PRIM2: variants seen among roughly 807,000 people sequenced by gnomAD.
PRIM2 encodes DNA primase subunit 2, also known as DNA primase large subunit.
In PRIM2, 39 loss-of-function variants were observed where a neutral mutation model predicts 67.3. The ratio of observed to expected loss-of-function variants is 0.58; its 90% CI spans 0.45 to 0.76. The LOEUF is 0.76. PRIM2 is among the 30% of genes least tolerant of loss of function. The pLI is 0.00. For missense variants in PRIM2, 398 were observed against 598.7 expected (o/e 0.66, Z 3.50); for synonymous variants, 143 against 198.7 (o/e 0.72, Z 2.36).
chr6:57,305,889 C>T, the PRIM2 span, among the ~76,000 whole-genome samples: 3 of 152,134 alleles, frequency 2.0e-5, no homozygotes, highest in African/African-American at 7.2e-5. Flanking sequence ...ATAACTAGTA[C>T]TGTAATAAAA....
At chr6:57,237,193 G>T in the PRIM2 span, among the ~76,000 whole-genome samples, 13,113 of 149,312 alleles carry the variant, frequency 0.088, 802 homozygotes, top group Non-Finnish European at 0.13. Context: ...TCATGTGTCT[G>T]TTGGCTGCAT....
chr6:57,275,807 C>T, the PRIM2 span, among the ~76,000 whole-genome samples: 2 of 152,150 alleles, frequency 1.3e-5, no homozygotes, highest in Admixed American at 1.3e-4. Flanking sequence ...TGGACTTTCT[C>T]CCAGTGGGCC....
At chr6:57,624,224 T>G (rs1264424710) in intron 12 of PRIM2, among the ~76,000 whole-genome samples, 1 of 152,198 alleles carries the variant, frequency 6.6e-6, no homozygotes, top group Non-Finnish European at 1.5e-5. Flanking sequence ...TGTCTTCTTG[T>G]TTGTCCTCCC....
At chr6:57,404,497 C>T (rs1304009230) in intron 7 of PRIM2, among the ~76,000 whole-genome samples, 1 of 142,972 alleles carries the variant, frequency 7.0e-6, no homozygotes, top group Admixed American at 7.0e-5. Flanking sequence ...CTTGGGGTTG[C>T]ACCTCAGTGT....
At chr6:57,474,267 C>G (rs1186311618) in intron 7 of PRIM2, among the ~76,000 whole-genome samples, 7 of 120,728 alleles carry the variant, frequency 5.8e-5, no homozygotes, top group South Asian at 2.9e-4. Flanking sequence ...CTCCGCCTCC[C>G]GGGGTTCATG....
chr6:57,239,079 C>T, the PRIM2 span, among the ~76,000 whole-genome samples: 48 of 152,152 alleles, frequency 3.2e-4, no homozygotes, highest in African/African-American at 1.1e-3. Context: ...CAACTTCTGC[C>T]TCCTGAGTTC....
intron 10 of PRIM2, among the ~76,000 whole-genome samples, chr6:57,579,727 G>GGT (rs1776045262): frequency 6.6e-6 from 1 of 152,014 alleles, no homozygotes. Flanking sequence ...GGTAGCCCTG[G>GGT]GTAACCAATT....
chr6:57,601,259 T>C (rs1776458584), intron 11 of PRIM2, 40 bp downstream of exon 11: 11 of 1,543,080 alleles, frequency 7.1e-6, no homozygotes, highest in African/African-American at 1.4e-5. Context: ...AGTACAGAAA[T>C]CCAAGAGCTC....
intron 7 of PRIM2, among the ~76,000 whole-genome samples, chr6:57,474,173 CTTTTTTTTTTTTTTTTTT>C (rs1158188964): frequency 3.1e-5 from 2 of 63,914 alleles, no homozygotes; most frequent in Non-Finnish European, 5.3e-5. Context: ...ATTCTGCTAT[CTTTTTTTTTTTTTTTTTT>C]TTTTTTTTTT....
chr6:57,577,264 G>C (rs2127483543), intron 10 of PRIM2, among the ~76,000 whole-genome samples: 1 of 152,210 alleles, frequency 6.6e-6, no homozygotes, highest in Admixed American at 6.5e-5. Flanking sequence ...CAAGGTTTCA[G>C]TCCTGACACA....
At chr6:57,408,183 C>T (rs1247798529) in intron 7 of PRIM2, among the ~76,000 whole-genome samples, 5 of 152,110 alleles carry the variant, frequency 3.3e-5, no homozygotes, top group Non-Finnish European at 7.4e-5. Context: ...GTCTCATGCC[C>T]AATTAGATAA....
intron 7 of PRIM2, among the ~76,000 whole-genome samples, chr6:57,418,882 T>C (rs1211420114): frequency 1.3e-5 from 2 of 152,126 alleles, no homozygotes; most frequent in Non-Finnish European, 2.9e-5. Context: ...GCTACTCACA[T>C]TTCATTGTGT....
intron 7 of PRIM2, chr6:57,497,719 C>T (rs1554346510): frequency 6.6e-5 from 10 of 152,136 alleles, no homozygotes; most frequent in Non-Finnish European, 1.3e-4. Context: ...GAGAAATTTC[C>T]GTGTATCAAA....
intron 5 of PRIM2, among the ~76,000 whole-genome samples, chr6:57,333,622 G>A (rs1768129652): frequency 6.6e-6 from 1 of 151,904 alleles, no homozygotes; most frequent in African/African-American, 2.4e-5. Context: ...CCTCTTGTTA[G>A]GTGGAATTTA....
In PRIM2 at chr6:57,526,950, G is replaced by C. The variant is rs1268390075; in HGVS notation, c.762-5461G>C. On this transcript the variant is annotated intron_variant, in intron 8 of 13. Coordinates refer to ENST00000615550, the MANE Select transcript of PRIM2 (RefSeq NM_000947.5). ...ATTAATATAGCAGCTTCATTTATTT[G>C]GCAGCAGTATGATAGAAAGCTGGCG... 3.8e-4 allele frequency among the ~76,000 whole-genome samples: 58 copies of C among 152,018 alleles called. 1 individual carries two copies. Among genetic ancestry groups the C allele is most frequent in the Non-Finnish European group, 7.1e-4 (48 of 68,010 alleles).
At chr6:57,448,465 C>T (rs1772432545) in intron 7 of PRIM2, among the ~76,000 whole-genome samples, 1 of 152,100 alleles carries the variant, frequency 6.6e-6, no homozygotes. Flanking sequence ...GTGAGCATGG[C>T]CCAGGGAAGC....
At position 57,617,892 on chromosome 6, in the gene PRIM2, G is replaced by A. The variant is rs1381681839; in HGVS notation, c.1230+11435G>A. Among the ~76,000 whole-genome samples, 264 of 152,290 alleles carry A rather than the reference G, an allele frequency of 1.7e-3. 1 individual carries two copies. Among genetic ancestry groups the A allele is most frequent in the African/African-American group, 6.1e-3 (253 of 41,562 alleles). The stretch of plus-strand genomic sequence containing the variant: ...CTCTAGCTTTTATATTTAGGTCATT[G>A]ATCCCTTTTGAGTTAATTTTTGTAG... On this transcript the variant is annotated intron_variant, in intron 12 of 13. Transcript: ENST00000615550.
chr6:57,536,377 A>G (rs1775003482), intron 9 of PRIM2, among the ~76,000 whole-genome samples: 1 of 152,208 alleles, frequency 6.6e-6, no homozygotes, highest in Non-Finnish European at 1.5e-5. Context: ...GTTCCTTTTA[A>G]CTTGGTTTCT....
At chr6:57,581,134 A>G (rs1776077269) in intron 10 of PRIM2, among the ~76,000 whole-genome samples, 1 of 152,182 alleles carries the variant, frequency 6.6e-6, no homozygotes, top group Non-Finnish European at 1.5e-5. Flanking sequence ...AGCTCTGATC[A>G]GCTAATTGTG....
Sources: gnomAD v4.1 joint callset for allele counts (sites outside exome capture counted in the v4.1 genomes callset) on GRCh38, gnomAD v4.1.1 for gene constraint, MANE v1.5 for transcripts, NCBI Gene and HGNC (gene_info 2026-07-23, HGNC 2026-07-21) for gene names.